The following SGCZ variants were observed in gnomAD, a reference collection of about 807,000 sequenced individuals.
SGCZ encodes sarcoglycan zeta.
SGCZ carries 40 observed loss-of-function variants against 41.3 expected under a neutral mutation model. That is an observed-to-expected ratio of 0.97 (90% confidence interval 0.75 to 1.26). The LOEUF (loss-of-function observed/expected upper bound fraction) is 1.26, where lower values mean the gene tolerates loss of function less well. Among genes scored for constraint, SGCZ ranks in the 50% most tolerant of loss-of-function variants. The pLI is 0.00. For missense variants in SGCZ, 552 were observed against 369.8 expected (o/e 1.49, Z -4.04); for synonymous variants, 206 against 137.5 (o/e 1.50, Z -3.49).
At position 14,830,867 on chromosome 8, in the gene SGCZ, A is replaced by G. The variant is rs183340439; in HGVS notation, c.40-275941T>C. ...CATTTTTTAAAAAAAGTCTTTGAAA[A>G]CTGGTGTTACAAGGAAGAAAAGGAA... On this transcript the variant is annotated intron_variant, in intron 1 of 7. Transcript: ENST00000382080. Among the ~76,000 whole-genome samples, 643 of 152,280 alleles carry G rather than the reference A, an allele frequency of 4.2e-3. 6 individuals are homozygous for G. The highest frequency in any genetic ancestry group is 7.6e-3 in the Non-Finnish European group (515 of 68,018).
intron 1 of SGCZ, among the ~76,000 whole-genome samples, chr8:14,625,311 T>G (rs748104059): frequency 6.6e-6 from 1 of 152,206 alleles, no homozygotes; most frequent in Non-Finnish European, 1.5e-5. Flanking sequence ...TCTAGTGACA[T>G]TTTTCAGAAG....
intron 1 of SGCZ, among the ~76,000 whole-genome samples, chr8:14,853,680 C>G (rs552612048): frequency 1.3e-5 from 2 of 151,988 alleles, no homozygotes; most frequent in South Asian, 2.1e-4. Flanking sequence ...AGAATGACAA[C>G]GCTGAGAAAT....
chr8:14,685,857 C>T (rs2117554648), intron 1 of SGCZ, among the ~76,000 whole-genome samples: 1 of 152,098 alleles, frequency 6.6e-6, no homozygotes, highest in African/African-American at 2.4e-5. Flanking sequence ...ATGAATAAAC[C>T]TTTCACTGAA....
intron 1 of SGCZ, among the ~76,000 whole-genome samples, chr8:15,156,479 A>C (rs1156856963): frequency 6.6e-6 from 1 of 152,206 alleles, no homozygotes; most frequent in Non-Finnish European, 1.5e-5. Context: ...TGGAAAGAAC[A>C]TACCTGAAAA....
At chr8:14,558,196 C>T (rs1804091435) in intron 1 of SGCZ, among the ~76,000 whole-genome samples, 1 of 151,994 alleles carries the variant, frequency 6.6e-6, no homozygotes, top group South Asian at 2.1e-4. Flanking sequence ...AAAAAGAGTC[C>T]AGGACCAGTT....
chr8:14,308,367 A>G (rs978380053), intron 3 of SGCZ, among the ~76,000 whole-genome samples: 1 of 152,088 alleles, frequency 6.6e-6, no homozygotes, highest in Non-Finnish European at 1.5e-5. Context: ...CTGTAAAAAA[A>G]TTTGGATAGA....
intron 1 of SGCZ, among the ~76,000 whole-genome samples, chr8:14,733,241 C>A (rs536232979): frequency 6.6e-6 from 1 of 152,242 alleles, no homozygotes; most frequent in African/African-American, 2.4e-5. Context: ...GCTGCAGATC[C>A]CACCAAAAGT....
At chr8:14,729,214 A>T (rs754018468) in intron 1 of SGCZ, among the ~76,000 whole-genome samples, 1 of 152,138 alleles carries the variant, frequency 6.6e-6, no homozygotes, top group Non-Finnish European at 1.5e-5. Context: ...GATTTCCCCA[A>T]TGCATGAAGT....
intron 4 of SGCZ, among the ~76,000 whole-genome samples, chr8:14,171,501 C>A (rs1401884834): frequency 6.6e-6 from 1 of 151,958 alleles, no homozygotes; most frequent in East Asian, 1.9e-4. Flanking sequence ...CAATTCAGTA[C>A]AAGTTCCACA....
At chr8:15,061,691 T>C (rs1319104518) in intron 1 of SGCZ, among the ~76,000 whole-genome samples, 2 of 152,126 alleles carry the variant, frequency 1.3e-5, no homozygotes, top group African/African-American at 2.4e-5. Flanking sequence ...TTCTGCCATG[T>C]GAGGACAGAG....
intron 2 of SGCZ, among the ~76,000 whole-genome samples, chr8:14,379,962 A>T (rs868363552): frequency 7.2e-4 from 110 of 152,144 alleles, no homozygotes; most frequent in African/African-American, 2.5e-3. Context: ...TGAACTCCCG[A>T]CCTCAGGTGA....
chr8:14,911,944 G>A (rs1325943812), intron 1 of SGCZ, among the ~76,000 whole-genome samples: 1 of 151,858 alleles, frequency 6.6e-6, no homozygotes, highest in Non-Finnish European at 1.5e-5. Flanking sequence ...CAGGTCAACA[G>A]GTTTTAAAAT....
chr8:14,822,803 T>C (rs1316824566), intron 1 of SGCZ, among the ~76,000 whole-genome samples: 2 of 152,034 alleles, frequency 1.3e-5, no homozygotes, highest in Non-Finnish European at 2.9e-5. Flanking sequence ...CTCCCTTTCA[T>C]GATATACAAA....
At chr8:14,544,391 G>A (rs913357796) in intron 2 of SGCZ, among the ~76,000 whole-genome samples, 1 of 152,034 alleles carries the variant, frequency 6.6e-6, no homozygotes. Context: ...GATTTTTATG[G>A]AACAAGGGAA....
At chr8:14,723,404 A>G (rs1809952801) in intron 1 of SGCZ, among the ~76,000 whole-genome samples, 2 of 152,294 alleles carry the variant, frequency 1.3e-5, no homozygotes, top group South Asian at 2.1e-4. Flanking sequence ...TCCTAGCTGC[A>G]GAGGACCCTC....
chr8:14,776,344 C>G (rs1800400511), intron 1 of SGCZ, among the ~76,000 whole-genome samples: 2 of 151,884 alleles, frequency 1.3e-5, no homozygotes, highest in African/African-American at 4.8e-5. Context: ...TTTATAAATG[C>G]AAGTTCCCCT....
At chr8:15,228,566 T>C (rs1801846562) in intron 1 of SGCZ, among the ~76,000 whole-genome samples, 1 of 152,220 alleles carries the variant, frequency 6.6e-6, no homozygotes. Flanking sequence ...CATTTATTTT[T>C]AACTTTTTCT....
intron 1 of SGCZ, among the ~76,000 whole-genome samples, chr8:14,770,246 A>G (rs1245001341): frequency 1.5e-4 from 23 of 151,702 alleles, no homozygotes; most frequent in Admixed American, 1.5e-3. Context: ...GACGAGTTCT[A>G]GCAGACTAGT....
In SGCZ at chr8:15,037,985, G is replaced by A. The variant is rs552306088; in HGVS notation, c.39+199600C>T. Among the ~76,000 whole-genome samples the A allele has an allele frequency of 3.4e-4, 51 of 152,180 alleles. No homozygotes were observed. In the South Asian group the frequency reaches 0.01, roughly 30 times the overall value. On this transcript the variant is annotated intron_variant, in intron 1 of 7. Transcript: ENST00000382080. ...AAACACAAACATATAAAAGATTCAT[G>A]TTCATAGAATGAAATAATTAATATG...
Sources: allele counts gnomAD v4.1 joint callset (sites outside exome capture counted in the v4.1 genomes callset), GRCh38; gene constraint gnomAD v4.1.1; transcripts MANE v1.5; gene names NCBI Gene and HGNC (gene_info 2026-07-23, HGNC 2026-07-21).